Variants in FER observed in about 807,000 individuals in gnomAD.
FER encodes the protein FER tyrosine kinase, also known as tyrosine-protein kinase Fer.
Under a neutral mutation model 111.0 loss-of-function variants are expected in FER, and 63 were observed. The observed-to-expected ratio is 0.57, with a 90% CI of 0.46 to 0.70. FER has a LOEUF of 0.70. Among genes scored for constraint, FER ranks in the 30% least tolerant of loss-of-function variants. FER has a pLI of 0.00. For synonymous variants in FER, 327 were observed against 313.9 expected (o/e 1.04, Z -0.44); for missense variants, 914 against 954.0 (o/e 0.96, Z 0.55).
At chr5:108,789,947 A>G (rs1051595162) in intron 2 of FER, among the ~76,000 whole-genome samples, 1 of 152,194 alleles carries the variant, frequency 6.6e-6, no homozygotes, top group African/African-American at 2.4e-5. Flanking sequence ...CATTGTTATT[A>G]CAATGCATTT....
At chr5:108,955,070 A>T (rs993206053) in intron 12 of FER, 138 bp downstream of exon 12, 2 of 576,382 alleles carry the variant, frequency 3.5e-6, no homozygotes, top group Admixed American at 3.6e-5. Context: ...AATTTCTTAA[A>T]TACAGTGCTT....
intron 5 of FER, among the ~76,000 whole-genome samples, chr5:108,845,777 A>G (rs1761972664): frequency 6.6e-6 from 1 of 152,190 alleles, no homozygotes; most frequent in Non-Finnish European, 1.5e-5. Flanking sequence ...TTAAAGACTT[A>G]AAATCCTACT....
intron 16 of FER, among the ~76,000 whole-genome samples, chr5:109,060,818 CATAA>C (rs200721384): frequency 0.011 from 1,635 of 151,314 alleles, 32 homozygotes; most frequent in African/African-American, 0.037. Flanking sequence ...TAAACATCTA[CATAA>C]ATATCTTAGA....
Position 109,195,732 on chromosome 5 carries a change from CAGG to C in FER, c.*8160_*8162del, listed in dbSNP as rs1364576729. ...CAGACTGTCAATGTGGACCAGTGGCCAGGAGCATATTTATGGGCCATTTCTGTT... is the reference window on the plus strand; with the variant it reads ...CAGACTGTCAATGTGGACCAGTGGCCAGCATATTTATGGGCCATTTCTGTT... On this transcript the variant is annotated 3_prime_UTR_variant, in exon 20 of 20. Coordinates refer to ENST00000281092, the MANE Select transcript of FER (RefSeq NM_005246.4). The C allele has an allele frequency of 6.6e-6, 1 of 152,148 alleles. No homozygotes were observed. Among genetic ancestry groups the C allele is most frequent in the Admixed American group, 6.5e-5 (1 of 15,270 alleles). 9.4% of individuals were successfully genotyped at this position (152,148 alleles called of 1,614,324 possible).
intron 3 of FER, among the ~76,000 whole-genome samples, chr5:108,831,114 C>T (rs7710347): frequency 0.11 from 17,249 of 151,982 alleles, 1,627 homozygotes; most frequent in African/African-American, 0.26. Context: ...CAATCTGACC[C>T]AATTGTGTGG....
intron 16 of FER, among the ~76,000 whole-genome samples, chr5:109,078,178 CAT>C (rs1366915411): frequency 2.0e-5 from 3 of 152,116 alleles, no homozygotes; most frequent in Non-Finnish European, 2.9e-5. Context: ...AAATGAAAGA[CAT>C]ATGTGCCACT....
intron 3 of FER, among the ~76,000 whole-genome samples, chr5:108,830,082 T>C (rs1435309219): frequency 1.3e-5 from 2 of 152,198 alleles, no homozygotes; most frequent in African/African-American, 4.8e-5. Flanking sequence ...AGCATTTATT[T>C]AGCTTGGTAG....
intron 13 of FER, among the ~76,000 whole-genome samples, chr5:108,989,946 T>A (rs1025814825): frequency 6.6e-6 from 1 of 151,996 alleles, no homozygotes; most frequent in Non-Finnish European, 1.5e-5. Flanking sequence ...CATTTTTCCC[T>A]CTAGTCAGTC....
chr5:108,932,210 C>T lies in FER; in HGVS notation c.1237-13920C>T, dbSNP rs1754784083. Among the ~76,000 whole-genome samples, 4 of 152,062 alleles carry T rather than the reference C, an allele frequency of 2.6e-5. No homozygotes were observed. In the South Asian group the frequency reaches 8.3e-4, roughly 32 times the overall value. On this transcript the variant is annotated intron_variant, in intron 10 of 19. Transcript: ENST00000281092. ...TGACAGGCCCTGGTGTGTAATATTC[C>T]TCTCCCTGTGTCCATGTGTTCTCAT...
At chr5:109,176,605 C>A (rs1187974372) in intron 17 of FER, among the ~76,000 whole-genome samples, 1 of 152,038 alleles carries the variant, frequency 6.6e-6, no homozygotes, top group Non-Finnish European at 1.5e-5. Flanking sequence ...TCTATATTCT[C>A]AAGAAGGCAG....
chr5:109,062,485 C>G (rs1273399894), intron 16 of FER, among the ~76,000 whole-genome samples: 2 of 152,064 alleles, frequency 1.3e-5, no homozygotes, highest in African/African-American at 4.8e-5. Flanking sequence ...AGGATCACAT[C>G]ACTGCACTTC....
chr5:108,816,312 C>T lies in FER; in HGVS notation c.208-16458C>T, dbSNP rs537801975. Among the ~76,000 whole-genome samples, 75 of 152,298 alleles carry T rather than the reference C, an allele frequency of 4.9e-4. 1 individual carries two copies. Among genetic ancestry groups the T allele is most frequent in the Admixed American group, 4.8e-3 (73 of 15,294 alleles). ...ACACACTTCAGTCCTTTACTGGCTACCTTCATTTACCTTTTTGTTGTGAGC... is the reference window on the plus strand; with the variant it reads ...ACACACTTCAGTCCTTTACTGGCTATCTTCATTTACCTTTTTGTTGTGAGC... On this transcript the variant is annotated intron_variant, in intron 3 of 19. Coordinates refer to ENST00000281092, the MANE Select transcript of FER (RefSeq NM_005246.4).
intron 16 of FER, among the ~76,000 whole-genome samples, chr5:109,098,712 TAAGTA>T (rs1399852081): frequency 1.3e-5 from 2 of 151,836 alleles, no homozygotes; most frequent in East Asian, 3.9e-4. Flanking sequence ...TTCCGATTTT[TAAGTA>T]AAGCTTGATA....
At chr5:109,072,170 C>G (rs550418302) in intron 16 of FER, among the ~76,000 whole-genome samples, 1 of 151,548 alleles carries the variant, frequency 6.6e-6, no homozygotes, top group East Asian at 2.0e-4. Flanking sequence ...TATGACATTT[C>G]TGCTTTCAGG....
chr5:109,008,853 C>T lies in FER; in HGVS notation c.1657-28569C>T, dbSNP rs190817235. 1.6e-3 allele frequency among the ~76,000 whole-genome samples: 240 copies of T among 151,990 alleles called. 5 individuals carry two copies. The East Asian group carries it at 0.045, about 28-fold the overall frequency. On this transcript the variant is annotated intron_variant, in intron 13 of 19. Transcript: ENST00000281092. ...GGCATGGTGGCGCATGCCTGTAATC[C>T]CAGCTGCTCGGGAGGGTGAGGCAGG...
Position 109,010,179 on chromosome 5 carries a change from T to A in FER, c.1657-27243T>A, listed in dbSNP as rs114107711. On this transcript the variant is annotated intron_variant, in intron 13 of 19. Coordinates refer to ENST00000281092, the MANE Select transcript of FER (RefSeq NM_005246.4). ...TTAGTTTTCTTTTTTATCCTTCTTT[T>A]TTTTGAGACAGCCTGTCGCCCAGGC... Among the ~76,000 whole-genome samples, 1,380 of 152,150 alleles carry A rather than the reference T, an allele frequency of 9.1e-3. 17 individuals carry two copies. The highest frequency in any genetic ancestry group is 0.031 in the African/African-American group (1,307 of 41,508).
At chr5:108,865,547 CCAA>C (rs2150228851) in intron 5 of FER, among the ~76,000 whole-genome samples, 1 of 152,184 alleles carries the variant, frequency 6.6e-6, no homozygotes, top group South Asian at 2.1e-4. Flanking sequence ...GTCTAAAACA[CCAA>C]AAGCAATGGC....
intron 1 of FER, among the ~76,000 whole-genome samples, chr5:108,756,283 C>T (rs1021642824): frequency 4.0e-5 from 6 of 151,788 alleles, no homozygotes; most frequent in Non-Finnish European, 7.4e-5. Flanking sequence ...TATAGGTTAA[C>T]CATTACTTAA....
intron 10 of FER, among the ~76,000 whole-genome samples, chr5:108,906,982 G>A (rs1750872090): frequency 6.6e-6 from 1 of 152,018 alleles, no homozygotes; most frequent in Admixed American, 6.6e-5. Context: ...AAAAATTGTG[G>A]GAATTGGAGT....
Sources: gnomAD v4.1 joint callset for allele counts (sites outside exome capture counted in the v4.1 genomes callset) on GRCh38, gnomAD v4.1.1 for gene constraint, MANE v1.5 for transcripts, NCBI Gene and HGNC (gene_info 2026-07-23, HGNC 2026-07-21) for gene names.